The following EPM2A variants were observed in gnomAD, a reference collection of about 807,000 sequenced individuals.
The protein encoded by EPM2A is EPM2A glucan phosphatase, laforin, also known as laforin.
EPM2A carries 21 observed loss-of-function variants against 26.5 expected under a neutral mutation model. The observed-to-expected ratio is 0.79, with a 90% CI of 0.56 to 1.14. The LOEUF is 1.14. Among genes scored for constraint, EPM2A ranks in the 50% most tolerant of loss-of-function variants. The pLI, the probability that EPM2A is intolerant of heterozygous loss-of-function variation, is 0.00. For missense variants in EPM2A, 458 were observed against 440.8 expected, an observed-to-expected ratio of 1.04 and a Z score of -0.35; for synonymous variants, 217 against 177.6, an observed-to-expected ratio of 1.22 and a Z score of -1.76.
chr6:145,619,673 A>T (rs747172766), intron 2 of EPM2A, among the ~76,000 whole-genome samples: 4 of 152,158 alleles, frequency 2.6e-5, no homozygotes, highest in Admixed American at 6.5e-5. Context: ...AATGAAGATT[A>T]TGTCCCCACC....
At chr6:145,461,398 T>C (rs911076436) in intron 4 of EPM2A, among the ~76,000 whole-genome samples, 1 of 152,150 alleles carries the variant, frequency 6.6e-6, no homozygotes, top group African/African-American at 2.4e-5. Context: ...TAAAATGCAA[T>C]GCCACAGTTT....
At chr6:145,592,646 T>C (rs1781290586) in intron 2 of EPM2A, among the ~76,000 whole-genome samples, 1 of 152,170 alleles carries the variant, frequency 6.6e-6, no homozygotes, top group African/African-American at 2.4e-5. Flanking sequence ...GTACCTGTTG[T>C]TTCCTGACTT....
chr6:145,428,588 A>G (rs1778883016), intron 4 of EPM2A, among the ~76,000 whole-genome samples: 1 of 152,132 alleles, frequency 6.6e-6, no homozygotes, highest in Non-Finnish European at 1.5e-5. Context: ...AAATTACATC[A>G]TTTTCCTTCA....
At chr6:145,471,145 C>T (rs1266088720) in intron 4 of EPM2A, among the ~76,000 whole-genome samples, 1 of 152,138 alleles carries the variant, frequency 6.6e-6, no homozygotes, top group Non-Finnish European at 1.5e-5. Context: ...GGTAAGATAA[C>T]TCAGCTGCAA....
At chr6:145,414,994 G>C (rs540450567) in intron 4 of EPM2A, among the ~76,000 whole-genome samples, 2 of 152,204 alleles carry the variant, frequency 1.3e-5, no homozygotes, top group South Asian at 4.1e-4. Flanking sequence ...TTTGTCTCCT[G>C]TTTCTTGTTC....
chr6:145,511,021 C>A (rs369037977), intron 2 of EPM2A, among the ~76,000 whole-genome samples: 279 of 152,216 alleles, frequency 1.8e-3, no homozygotes, highest in African/African-American at 5.5e-3. Flanking sequence ...TGGAAACACA[C>A]AACTTCCCAT....
intron 4 of EPM2A, among the ~76,000 whole-genome samples, chr6:145,466,063 AG>A (rs1421966316): frequency 6.6e-6 from 1 of 152,148 alleles, no homozygotes; most frequent in Non-Finnish European, 1.5e-5. Flanking sequence ...ATTACCATTC[AG>A]GACATAGACA....
chr6:145,656,150 T>G (rs1278407786), intron 2 of EPM2A, among the ~76,000 whole-genome samples: 1 of 152,206 alleles, frequency 6.6e-6, no homozygotes, highest in Non-Finnish European at 1.5e-5. Flanking sequence ...TCAAGGGGGC[T>G]GACTAGAGAC....
Position 145,627,637 on chromosome 6 carries a change from C to T in EPM2A, c.775G>A (p.Gly259Arg). 1.9e-6 allele frequency: 3 copies of T among 1,614,228 alleles called. No individual in the cohort carries two copies. The highest frequency in any genetic ancestry group is 2.5e-6 in the Non-Finnish European group (3 of 1,180,040). ...TTGCAGTGCACGTACACGATGTGTC[C>T]CTTCTCCAGCAGCGCATGCAGCAGG... ...VCLLHALLEK[G>R]HIVYVHCNAG... Residue 259 changes from glycine to arginine, a missense_variant, in exon 4 of 4, where the codon GGA (glycine) becomes AGA (arginine). By Grantham distance (125) the Gly-to-Arg change is moderately radical (BLOSUM62 -2). Coordinates refer to ENST00000367519, the MANE Select transcript of EPM2A (RefSeq NM_005670.4).
intron 3 of EPM2A, chr6:145,628,150 A>G: frequency 4.8e-6 from 1 of 207,402 alleles, no homozygotes; most frequent in Non-Finnish European, 9.9e-6. Flanking sequence ...GAAGCGGCCC[A>G]TAATAGTTAA....
chr6:145,577,407 G>T (rs1255577093), intron 2 of EPM2A, among the ~76,000 whole-genome samples: 1 of 149,604 alleles, frequency 6.7e-6, no homozygotes, highest in Non-Finnish European at 1.5e-5. Flanking sequence ...CATGACATCA[G>T]ATAAAATAGA....
intron 4 of EPM2A, among the ~76,000 whole-genome samples, chr6:145,478,641 A>G (rs1779570260): frequency 6.6e-6 from 1 of 151,766 alleles, no homozygotes; most frequent in East Asian, 1.9e-4. Flanking sequence ...CTTCTAACAT[A>G]AGCATCTGTA....
Position 145,526,444 on chromosome 6 carries a change from T to A in EPM2A, c.341-23869A>T, listed in dbSNP as rs188240979. On this transcript the variant is annotated intron_variant, in intron 2 of 3. Coordinates refer to the EPM2A transcript ENST00000450221. ...CTTTTTTTGGTTGGTAGATTTTTTT[T>A]ATTATTATTACTGATTCATTTTCAG... 9.9e-5 allele frequency among the ~76,000 whole-genome samples: 15 copies of A among 152,046 alleles called. No individual in the cohort carries two copies. In the East Asian group the frequency reaches 2.7e-3, roughly 27 times the overall value.
intron 4 of EPM2A, among the ~76,000 whole-genome samples, chr6:145,399,729 T>A (rs1778457359): frequency 2.0e-5 from 3 of 152,282 alleles, no homozygotes; most frequent in Admixed American, 2.0e-4. Flanking sequence ...GGCTCATACC[T>A]CCCTTTGTAT....
chr6:145,573,615 A>C (rs1780989335), intron 2 of EPM2A, among the ~76,000 whole-genome samples: 1 of 152,186 alleles, frequency 6.6e-6, no homozygotes, highest in African/African-American at 2.4e-5. Context: ...CCAGGGATGC[A>C]ATATTGTTTT....
intron 4 of EPM2A, among the ~76,000 whole-genome samples, chr6:145,419,178 T>TGC (rs1177140419): frequency 3.0e-5 from 2 of 67,068 alleles, no homozygotes; most frequent in Non-Finnish European, 6.7e-5. Flanking sequence ...TTCTGTTAAA[T>TGC]GTCCCCCCCC....
At chr6:145,415,236 G>A (rs1778692628) in intron 4 of EPM2A, among the ~76,000 whole-genome samples, 1 of 152,208 alleles carries the variant, frequency 6.6e-6, no homozygotes, top group African/African-American at 2.4e-5. Context: ...CATTCAATAT[G>A]TTAAAATGTG....
intron 4 of EPM2A, among the ~76,000 whole-genome samples, chr6:145,409,472 TG>T (rs1314053727): frequency 5.9e-5 from 9 of 152,340 alleles, no homozygotes; most frequent in African/African-American, 2.2e-4. Flanking sequence ...AATTATGCTA[TG>T]ATGTTTAATA....
intron 4 of EPM2A, among the ~76,000 whole-genome samples, chr6:145,397,624 C>T (rs1429416312): frequency 1.3e-5 from 2 of 152,146 alleles, no homozygotes; most frequent in African/African-American, 2.4e-5. Context: ...TCCAGTGAGG[C>T]CATAATCTCC....
Sources: gnomAD v4.1 joint callset for allele counts (sites outside exome capture counted in the v4.1 genomes callset) on GRCh38, gnomAD v4.1.1 for gene constraint, MANE v1.5 for transcripts, NCBI Gene and HGNC (gene_info 2026-07-23, HGNC 2026-07-21) for gene names.